PNPT1: variants seen among roughly 807,000 people sequenced by gnomAD.
PNPT1 encodes polyribonucleotide nucleotidyltransferase 1, mitochondrial.
A neutral mutation model predicts 119.5 loss-of-function variants in PNPT1; 53 were observed. That is an observed-to-expected ratio of 0.44 (90% confidence interval 0.36 to 0.56). The LOEUF (loss-of-function observed/expected upper bound fraction) is 0.56. Ranked by LOEUF, PNPT1 falls within the 20% of genes least tolerant of loss-of-function variation. PNPT1 has a pLI of 0.00. For missense variants in PNPT1, 948 were observed against 938.5 expected, an observed-to-expected ratio of 1.01 and a Z score of -0.13; for synonymous variants, 357 against 322.1, an observed-to-expected ratio of 1.11 and a Z score of -1.16.
In PNPT1 at chr2:55,635,951, T is replaced by C; in HGVS notation, c.*286A>G. The C allele has an allele frequency of 5.8e-6, 1 of 173,856 alleles. No individual in the cohort carries two copies. Among genetic ancestry groups the C allele is most frequent in the Non-Finnish European group, 1.2e-5 (1 of 84,348 alleles). The allele number at this position is 173,856 out of a possible 1,614,324, so 10.8% of individuals were successfully genotyped here. A position where few individuals can be genotyped will look rare whatever the true frequency, so the allele number is the denominator to read the frequency against. On this transcript the variant is annotated 3_prime_UTR_variant, in exon 28 of 28. Coordinates refer to ENST00000447944, the MANE Select transcript of PNPT1 (RefSeq NM_033109.5). Reference sequence around the variant, plus strand: ...ACATATTCTATCTAAGTTTTTCATATATTTCAGAATTGTAAAAACAAAACT... The same window carrying C: ...ACATATTCTATCTAAGTTTTTCATACATTTCAGAATTGTAAAAACAAAACT...
intron 21 of PNPT1, 115 bp downstream of exon 21, chr2:55,646,142 TAA>T (rs1375563960): frequency 9.7e-7 from 1 of 1,031,200 alleles, no homozygotes; most frequent in African/African-American, 1.6e-5. Context: ...CTTCTTGATC[TAA>T]GTTATATGAA....
intron 8 of PNPT1, among the ~76,000 whole-genome samples, chr2:55,676,323 A>C (rs1382639097): frequency 1.3e-5 from 2 of 151,844 alleles, no homozygotes; most frequent in African/African-American, 4.8e-5. Context: ...TAGCAGTTGA[A>C]GATGAAGGAG....
intron 25 of PNPT1, among the ~76,000 whole-genome samples, chr2:55,641,206 G>T (rs924339220): frequency 6.6e-6 from 1 of 151,882 alleles, no homozygotes; most frequent in Non-Finnish European, 1.5e-5. Flanking sequence ...CCTGGCAACA[G>T]AGTGAGACTC....
Position 55,660,161 on chromosome 2 carries a change from TA to T in PNPT1, c.1279del (p.Tyr427ThrfsTer17), listed in dbSNP as rs777118607. ...GIKDKNFMLHYEFPPYATNEI... is the reference protein window; with the variant it reads ...GIKDKNFMLHXEFPPYATNEI... ...GAGGAAAAAAATTCACCTTACCTCG[TA>T]GTGCAGCATGAAATTTTTATCTTTT... On this transcript the variant is annotated frameshift_variant, in exon 15 of 28. Coordinates refer to ENST00000447944, the MANE Select transcript of PNPT1 (RefSeq NM_033109.5). LOFTEE classifies it high-confidence loss of function. 6.3e-7 allele frequency: 1 copy of T among 1,590,304 alleles called. No homozygotes were observed. The highest frequency in any genetic ancestry group is 8.6e-7 in the Non-Finnish European group (1 of 1,169,056).
At position 55,651,218 on chromosome 2, in the gene PNPT1, C is replaced by A. The variant is rs564648781; in HGVS notation, c.1495+3682G>T. On this transcript the variant is annotated intron_variant, in intron 18 of 27. Coordinates refer to ENST00000447944, the MANE Select transcript of PNPT1 (RefSeq NM_033109.5). ...GGTGAGGGGCGCCTCTGCCCGGCCG[C>A]CCCTACTGGGAAGTGAGGAGCCCCT... Among the ~76,000 whole-genome samples the A allele has an allele frequency of 6.2e-4, 94 of 151,574 alleles. No homozygotes were observed. In the East Asian group the frequency reaches 0.016, roughly 26 times the overall value.
intron 26 of PNPT1, 152 bp from the exon 27 acceptor site, chr2:55,637,751 C>A: frequency 4.7e-6 from 3 of 644,254 alleles, no homozygotes; most frequent in Non-Finnish European, 8.2e-6. Flanking sequence ...AATTCCAGCA[C>A]TTTGGGAGGC....
chr2:55,646,393 A>G (rs751662792), intron 20 of PNPT1, 22 bp downstream of exon 20: 1 of 1,608,766 alleles, frequency 6.2e-7, no homozygotes, highest in South Asian at 1.1e-5. Flanking sequence ...CAAAAATGAA[A>G]CAAAATGGGT....
chr2:55,680,756 G>A lies in PNPT1; in HGVS notation c.521C>T (p.Ser174Phe), dbSNP rs1553501171. The change falls in exon 7 of 28, where the codon TCC becomes TTC. Residue 174 changes from serine to phenylalanine, a missense_variant. Physicochemically the swap from Ser to Phe is radical, Grantham distance 155. Transcript: ENST00000447944. ...AATATCTGATAATGAGAGGGCTACG[G>A]AAGCTTAAAAAAGGAGAAAAATCAG... Reference protein sequence around the residue: ...EPDVLAINGASVALSLSDIPW... With the variant: ...EPDVLAINGAFVALSLSDIPW... 6.2e-7 allele frequency: 1 copy of A among 1,613,530 alleles called. No homozygotes were observed. Among genetic ancestry groups the A allele is most frequent in the South Asian group, 1.1e-5 (1 of 90,936 alleles).
intron 1 of PNPT1, among the ~76,000 whole-genome samples, chr2:55,690,126 T>A (rs1697544680): frequency 6.6e-6 from 1 of 152,230 alleles, no homozygotes; most frequent in Non-Finnish European, 1.5e-5. Context: ...CCAGACGAGT[T>A]GTACACTTTA....
chr2:55,649,246 C>T (rs906154068), intron 18 of PNPT1, among the ~76,000 whole-genome samples: 3 of 152,088 alleles, frequency 2.0e-5, no homozygotes, highest in African/African-American at 7.2e-5. Flanking sequence ...TGAGACCAGC[C>T]TGGGCAATAT....
chr2:55,637,470 CTTCT>C, intron 27 of PNPT1, 78 bp downstream of exon 27: 1 of 1,306,198 alleles, frequency 7.7e-7, no homozygotes, highest in Admixed American at 1.9e-5. Flanking sequence ...GATGGTGACT[CTTCT>C]TTCAACTTTT....
At chr2:55,689,198 T>G (rs890099879) in intron 1 of PNPT1, among the ~76,000 whole-genome samples, 14 of 152,220 alleles carry the variant, frequency 9.2e-5, no homozygotes, top group Admixed American at 8.5e-4. Flanking sequence ...GATAAGGGAC[T>G]TGTGTTAATA....
rs951087523 is a variant in PNPT1 at position 55,687,691 on chromosome 2, G to A, written c.176C>T (p.Ser59Phe). The A allele has an allele frequency of 1.2e-6, 2 of 1,602,290 alleles. No individual in the cohort carries two copies. Among genetic ancestry groups the A allele is most frequent in the African/African-American group, 2.7e-5 (2 of 74,346 alleles). The change falls in exon 2 of 28, where the codon TCT becomes TTT. Residue 59 changes from serine (S) to phenylalanine (F), a missense_variant. Coordinates refer to ENST00000447944, the MANE Select transcript of PNPT1 (RefSeq NM_033109.5). ...TGCAAATCTGGCCAGCTTTCCAGAA[G>A]ATATTTCTAATTTCCTGTTTAAAAA... is the stretch of plus-strand genomic sequence containing the variant. Reference protein sequence around the residue: ...VDLGNRKLEISSGKLARFADG... With the variant: ...VDLGNRKLEIFSGKLARFADG...
chr2:55,672,979 C>A lies in PNPT1; in HGVS notation c.780G>T (p.Gln260His), dbSNP rs2104127250. 1.2e-6 allele frequency: 2 copies of A among 1,613,380 alleles called. No individual in the cohort carries two copies. Among genetic ancestry groups the A allele is most frequent in the Non-Finnish European group, 8.5e-7 (1 of 1,179,824 alleles). ...KYTQQIIQGI[Q>H]QLVKETGVTK... ...TAACACCAGTTTCTTTTACCAACTG[C>A]TGAATGCCCTGAATTATTTGTTGGG... The change falls in exon 9 of 28, where the codon CAG becomes CAT. Residue 260 changes from glutamine (Q) to histidine (H), a missense_variant. Physicochemically the swap from Gln to His is conservative, Grantham distance 24. Coordinates refer to ENST00000447944, the MANE Select transcript of PNPT1 (RefSeq NM_033109.5).
chr2:55,646,601 ACAC>A, intron 19 of PNPT1, 115 bp from the exon 20 acceptor site: 1 of 737,614 alleles, frequency 1.4e-6, no homozygotes, highest in Non-Finnish European at 2.2e-6. Flanking sequence ...CTAAGTCCAA[ACAC>A]AAAGCAATGT....
intron 7 of PNPT1, among the ~76,000 whole-genome samples, chr2:55,680,217 C>T (rs72807620): frequency 0.024 from 3,592 of 152,244 alleles, 71 homozygotes; most frequent in South Asian, 0.1. Flanking sequence ...TATAATAACA[C>T]TGATCATAAG....
chr2:55,680,564 G>C, intron 7 of PNPT1, 148 bp downstream of exon 7: 1 of 701,630 alleles, frequency 1.4e-6, no homozygotes, highest in South Asian at 2.1e-5. Flanking sequence ...ATGTCTGAAA[G>C]ACCTGAAAGG....
At chr2:55,661,438 A>T (rs1278443431) in intron 14 of PNPT1, among the ~76,000 whole-genome samples, 1 of 152,036 alleles carries the variant, frequency 6.6e-6, no homozygotes, top group East Asian at 1.9e-4. Context: ...GGCCTGCAAT[A>T]AAGATTCTTA....
intron 19 of PNPT1, 77 bp from the exon 20 acceptor site, chr2:55,646,563 A>G: frequency 8.4e-7 from 1 of 1,192,004 alleles, no homozygotes; most frequent in Non-Finnish European, 1.2e-6. Context: ...AAACATTTCA[A>G]AAAACAGCTT....
Sources: gnomAD v4.1 joint callset for allele counts (sites outside exome capture counted in the v4.1 genomes callset) on GRCh38, gnomAD v4.1.1 for gene constraint, MANE v1.5 for transcripts, NCBI Gene and HGNC (gene_info 2026-07-23, HGNC 2026-07-21) for gene names.